MRPL43: variants seen among roughly 807,000 people sequenced by gnomAD.
MRPL43 encodes mitochondrial ribosomal protein L43.
MRPL43 carries 9 observed loss-of-function variants against 12.7 expected under a neutral mutation model. That is an observed-to-expected ratio of 0.71 (90% CI 0.43 to 1.24). MRPL43 has a LOEUF of 1.24. Ranked by LOEUF, MRPL43 falls within the 50% of genes most tolerant of loss-of-function variation. The pLI is 0.00. For synonymous variants in MRPL43, 116 were observed against 96.4 expected, an observed-to-expected ratio of 1.20 and a Z score of -1.19; for missense variants, 211 against 229.2, an observed-to-expected ratio of 0.92 and a Z score of 0.51.
chr10:100,987,258 C>G, intron 1 of MRPL43, 55 bp downstream of exon 1: 1 of 1,612,230 alleles, frequency 6.2e-7, no homozygotes. Context: ...CCCGGGGAGT[C>G]GTTGCCACCT....
downstream of MRPL43, chr10:100,980,269 C>T (rs150071842): frequency 1.0e-3 from 1,643 of 1,614,248 alleles, 3 homozygotes; most frequent in Middle Eastern, 7.1e-3. Flanking sequence ...GCGCAACATA[C>T]GCTACACACA....
chr10:100,981,468 G>A, downstream of MRPL43: 2 of 1,614,186 alleles, frequency 1.2e-6, no homozygotes, highest in Non-Finnish European at 1.7e-6. Flanking sequence ...GGAGCTTATA[G>A]CCAAGTAGTG....
downstream of MRPL43, chr10:100,978,620 C>A: frequency 6.2e-7 from 1 of 1,613,984 alleles, no homozygotes; most frequent in Non-Finnish European, 8.5e-7. Flanking sequence ...ACTGAGGAGA[C>A]ACCAATGCAT....
At chr10:100,986,246 T>G, downstream of MRPL43, 3 of 1,234,674 alleles carry the variant, frequency 2.4e-6, no homozygotes, top group Non-Finnish European at 3.1e-6. Flanking sequence ...GCTTAACATA[T>G]GCACACATTT....
chr10:100,978,232 G>T, downstream of MRPL43: 1 of 1,263,390 alleles, frequency 7.9e-7, no homozygotes, highest in South Asian at 1.3e-5. Context: ...AGACTGATCT[G>T]ACTTTGAGCC....
chr10:100,987,186 C>T lies in MRPL43; in HGVS notation c.142G>A (p.Glu48Lys), dbSNP rs1851554305. ...CGGGCGAAGTCGATCACCTCCCGCT[C>T]CACGAACTCCCTAAGCGACCCGGGA... ...ASSRGAREFVEREVIDFARRN... is the reference protein window; with the variant it reads ...ASSRGAREFVKREVIDFARRN... Residue 48 changes from glutamate to lysine, a missense_variant, in exon 2 of 3, where the codon GAG (glutamate) becomes AAG (lysine). Transcript: ENST00000318364. The T allele has an allele frequency of 1.9e-6, 3 of 1,613,792 alleles. No homozygotes were observed. The highest frequency in any genetic ancestry group is 1.7e-5 in the Admixed American group (1 of 60,012).
chr10:100,983,967 C>T (rs1851284021), downstream of MRPL43: 1 of 1,610,406 alleles, frequency 6.2e-7, no homozygotes, highest in Non-Finnish European at 8.5e-7. Context: ...GGTGGCACTG[C>T]CCAGCCGGCT....
rs1457599939 is a variant in MRPL43 at position 100,986,985 on chromosome 10, G to A, written c.239-10C>T. On this transcript the variant is annotated splice_polypyrimidine_tract_variant and intron_variant, in intron 2 of 2. Coordinates refer to ENST00000318364, the MANE Select transcript of MRPL43 (RefSeq NM_032112.3). Reference sequence around the variant, plus strand: ...CGCACAGCCCCGTTAACTGGCAGAAGAGGGGTGAGAGTGGGTGGAAGCTGG... The same window carrying A: ...CGCACAGCCCCGTTAACTGGCAGAAAAGGGGTGAGAGTGGGTGGAAGCTGG... 6.2e-7 allele frequency: 1 copy of A among 1,605,598 alleles called. No individual in the cohort carries two copies. Among genetic ancestry groups the A allele is most frequent in the Non-Finnish European group, 8.5e-7 (1 of 1,179,604 alleles).
At chr10:100,982,286 A>C (rs1251869240), downstream of MRPL43, among the ~76,000 whole-genome samples, 3 of 152,116 alleles carry the variant, frequency 2.0e-5, no homozygotes, top group Admixed American at 2.0e-4. Flanking sequence ...GGCAAAGGCC[A>C]TGTTGAAGAT....
At chr10:100,982,353 T>G, downstream of MRPL43, among the ~76,000 whole-genome samples, 1 of 152,076 alleles carries the variant, frequency 6.6e-6, no homozygotes, top group East Asian at 1.9e-4. Context: ...GGCTGGAGAG[T>G]GGCATGATCA....
chr10:100,978,773 T>G, downstream of MRPL43: 1 of 1,577,124 alleles, frequency 6.3e-7, no homozygotes, highest in Non-Finnish European at 8.7e-7. Flanking sequence ...TGTTGTCAAG[T>G]GAGGGGTCAG....
At chr10:100,984,017 G>C, downstream of MRPL43, 1 of 1,613,482 alleles carries the variant, frequency 6.2e-7, no homozygotes. Flanking sequence ...TTCTGAGGCA[G>C]AGCAACAATG....
downstream of MRPL43, chr10:100,981,231 T>C (rs201391924): frequency 2.5e-6 from 4 of 1,614,056 alleles, no homozygotes; most frequent in East Asian, 8.9e-5. Flanking sequence ...GGGATACAGG[T>C]AAGTGACTCA....
At chr10:100,984,943 C>T (rs980911684), downstream of MRPL43, 2 of 1,380,044 alleles carry the variant, frequency 1.4e-6, no homozygotes, top group Non-Finnish European at 1.9e-6. Context: ...TGGTAACACA[C>T]ACCTGTATCA....
downstream of MRPL43, chr10:100,981,028 G>A: frequency 1.9e-6 from 3 of 1,593,522 alleles, no homozygotes; most frequent in Non-Finnish European, 2.6e-6. Flanking sequence ...ACAGTCACAT[G>A]TGGTCTGAGT....
chr10:100,979,959 TGAGG>T, downstream of MRPL43: 1 of 1,614,054 alleles, frequency 6.2e-7, no homozygotes, highest in Non-Finnish European at 8.5e-7. Context: ...GGGGTCGCTA[TGAGG>T]GTGGGGTGCC....
downstream of MRPL43, chr10:100,978,799 A>G (rs1201497091): frequency 3.8e-6 from 6 of 1,597,944 alleles, no homozygotes; most frequent in East Asian, 6.7e-5. Flanking sequence ...GAGTGAGGGA[A>G]AGGAATCCCC....
At position 100,986,665 on chromosome 10, in the gene MRPL43, A is replaced by G. The variant is rs2133923900; in HGVS notation, c.*69T>C. 1 of 1,613,870 alleles carries G rather than the reference A, an allele frequency of 6.2e-7. No homozygotes were observed. The highest frequency in any genetic ancestry group is 2.2e-5 in the East Asian group (1 of 44,870). ...TCCATTTGCCTGGGCTTGGAATCCC[A>G]AAGGGGAAGAACCACCTTTACCGGA... is the stretch of plus-strand genomic sequence containing the variant. On this transcript the variant is annotated 3_prime_UTR_variant, in exon 3 of 3. Transcript: ENST00000318364.
downstream of MRPL43, chr10:100,979,218 T>G (rs1207707838): frequency 6.2e-7 from 1 of 1,614,174 alleles, no homozygotes; most frequent in Non-Finnish European, 8.5e-7. Context: ...GCCTGGATGC[T>G]GAAACCTCAA....
Sources: gnomAD v4.1 joint callset for allele counts (sites outside exome capture counted in the v4.1 genomes callset) on GRCh38, gnomAD v4.1.1 for gene constraint, MANE v1.5 for transcripts, NCBI Gene and HGNC (gene_info 2026-07-23, HGNC 2026-07-21) for gene names.